RDX: variants seen among roughly 807,000 people sequenced by gnomAD.
RDX encodes radixin.
In RDX, 32 loss-of-function variants were observed where a neutral mutation model predicts 83.7. That is an observed-to-expected ratio of 0.38 (90% CI 0.29 to 0.51). The LOEUF is 0.51. Ranked by LOEUF, RDX falls within the 20% of genes least tolerant of loss-of-function variation. RDX has a pLI of 0.87. For missense variants in RDX, 600 were observed against 689.9 expected, an observed-to-expected ratio of 0.87 and a Z score of 1.46; for synonymous variants, 229 against 222.7, an observed-to-expected ratio of 1.03 and a Z score of -0.25.
At chr11:110,219,214 C>T (rs577721317) in intron 14 of RDX, among the ~76,000 whole-genome samples, 1 of 152,236 alleles carries the variant, frequency 6.6e-6, no homozygotes, top group Admixed American at 6.5e-5. Flanking sequence ...AAGTGTCTTC[C>T]AAGCTGAGTA....
At chr11:110,220,928 A>G (rs1864224506) in intron 14 of RDX, among the ~76,000 whole-genome samples, 1 of 151,166 alleles carries the variant, frequency 6.6e-6, no homozygotes, top group South Asian at 2.1e-4. Flanking sequence ...GAAATTTGGT[A>G]CAGGATCCCT....
chr11:110,273,421 G>A (rs185921676), intron 2 of RDX, among the ~76,000 whole-genome samples: 1 of 152,278 alleles, frequency 6.6e-6, no homozygotes, highest in African/African-American at 2.4e-5. Context: ...TGTTTTTAGA[G>A]ACAGGGTCTC....
chr11:110,203,344 G>A (rs1863482680), intron 14 of RDX, among the ~76,000 whole-genome samples: 1 of 150,790 alleles, frequency 6.6e-6, no homozygotes, highest in South Asian at 2.1e-4. Flanking sequence ...GAGAGTAAAA[G>A]GATGGTTACC....
intron 15 of RDX, among the ~76,000 whole-genome samples, chr11:110,198,261 G>A (rs181269374): frequency 2.0e-5 from 3 of 150,058 alleles, no homozygotes; most frequent in Admixed American, 1.3e-4. Context: ...ATTCACAAAT[G>A]GGATGAGTCA....
chr11:110,251,336 T>C (rs980562926), intron 9 of RDX, among the ~76,000 whole-genome samples: 1 of 152,216 alleles, frequency 6.6e-6, no homozygotes, highest in African/African-American at 2.4e-5. Context: ...TAAAAACATA[T>C]CCAACTTAGT....
At chr11:110,228,993 A>C (rs992173275), downstream of RDX, among the ~76,000 whole-genome samples, 4 of 151,960 alleles carry the variant, frequency 2.6e-5, no homozygotes, top group Non-Finnish European at 5.9e-5. Flanking sequence ...ATTAGTAAGA[A>C]GACTTGAAAA....
At chr11:110,183,152 G>A (rs555991588) in intron 15 of RDX, among the ~76,000 whole-genome samples, 65 of 152,302 alleles carry the variant, frequency 4.3e-4, no homozygotes, top group African/African-American at 1.4e-3. Context: ...AGCCACTGAT[G>A]AAGAAATATG....
At chr11:110,188,036 G>A (rs1358668995) in intron 15 of RDX, among the ~76,000 whole-genome samples, 1 of 152,218 alleles carries the variant, frequency 6.6e-6, no homozygotes, top group African/African-American at 2.4e-5. Flanking sequence ...GCTCATGCCT[G>A]TAATCCCAGA....
chr11:110,295,051 G>A (rs373534581), intron 1 of RDX, among the ~76,000 whole-genome samples: 2 of 152,114 alleles, frequency 1.3e-5, no homozygotes, highest in East Asian at 3.8e-4. Flanking sequence ...TACAGCATAC[G>A]ATTAACTTCA....
chr11:110,237,923 C>T (rs1458259334), intron 10 of RDX: 2 of 372,434 alleles, frequency 5.4e-6, no homozygotes, highest in Non-Finnish European at 1.0e-5. Context: ...AGGCGCTATA[C>T]CTCGTTTCCA....
In RDX at chr11:110,231,813, G is replaced by C; in HGVS notation, c.*56C>G. Reference sequence around the variant, plus strand: ...CATTCCATCATATCTGCAAAGGCCTGCTTTTCTCTGTTGGTGGTTCAGCTT... The same window carrying C: ...CATTCCATCATATCTGCAAAGGCCTCCTTTTCTCTGTTGGTGGTTCAGCTT... On this transcript the variant is annotated 3_prime_UTR_variant, in exon 14 of 14. Transcript: ENST00000645495. 1.3e-6 allele frequency: 2 copies of C among 1,598,456 alleles called. No individual in the cohort carries two copies. Among genetic ancestry groups the C allele is most frequent in the Non-Finnish European group, 1.7e-6 (2 of 1,169,958 alleles).
intron 14 of RDX, among the ~76,000 whole-genome samples, chr11:110,207,768 T>G (rs944270666): frequency 3.9e-5 from 6 of 152,020 alleles, no homozygotes; most frequent in African/African-American, 1.4e-4. Flanking sequence ...AACAGCAGAG[T>G]TGTATAGCTG....
chr11:110,233,404 G>T lies in RDX; in HGVS notation c.1420C>A (p.Pro474Thr). 6.2e-7 allele frequency: 1 copy of T among 1,614,116 alleles called. No individual in the cohort carries two copies. Among genetic ancestry groups the T allele is most frequent in the Non-Finnish European group, 8.5e-7 (1 of 1,180,016 alleles). ...GTTGGAGGAATGACTGGTGGTGGTG[G>T]AGGTGGAGGGGGGGCAGACATCACA... is the stretch of plus-strand genomic sequence containing the variant. ...KTVMSAPPPP[P>T]PPPVIPPTEN... is the part of the protein sequence containing the mutation. The change falls in exon 13 of 14, where the codon CCA becomes ACA. Residue 474 changes from proline (P) to threonine (T), a missense_variant. By Grantham distance (38) the Pro-to-Thr change is conservative. Transcript: ENST00000645495.
intron 14 of RDX, among the ~76,000 whole-genome samples, chr11:110,219,559 G>A (rs1265892319): frequency 2.6e-5 from 4 of 152,026 alleles, no homozygotes; most frequent in Non-Finnish European, 4.4e-5. Flanking sequence ...GGCTGTGGAG[G>A]ATGAGGTGGT....
At chr11:110,245,970 G>A (rs965380468) in intron 10 of RDX, among the ~76,000 whole-genome samples, 1 of 152,106 alleles carries the variant, frequency 6.6e-6, no homozygotes, top group Non-Finnish European at 1.5e-5. Context: ...TTTTGAGACA[G>A]GGTCTCACTC....
intron 1 of RDX, among the ~76,000 whole-genome samples, chr11:110,294,730 A>C (rs547413593): frequency 1.3e-5 from 2 of 152,232 alleles, no homozygotes; most frequent in East Asian, 1.9e-4. Flanking sequence ...CAAAAAAAAA[A>C]ACAAAAGGAC....
At chr11:110,201,252 T>C (rs1042172411) in intron 14 of RDX, among the ~76,000 whole-genome samples, 2 of 151,808 alleles carry the variant, frequency 1.3e-5, no homozygotes, top group African/African-American at 4.8e-5. Context: ...ACTAGTAATA[T>C]TATTCTCACT....
chr11:110,279,085 T>C (rs1860643010), intron 2 of RDX, among the ~76,000 whole-genome samples: 1 of 152,222 alleles, frequency 6.6e-6, no homozygotes, highest in South Asian at 2.1e-4. Flanking sequence ...CTTCCTGACC[T>C]CTCATTATTT....
intron 13 of RDX, among the ~76,000 whole-genome samples, chr11:110,232,853 A>T (rs1864693908): frequency 6.6e-6 from 1 of 152,176 alleles, no homozygotes; most frequent in Non-Finnish European, 1.5e-5. Context: ...GGCCTCAGGC[A>T]GTCCACCTGC....
Sources: gnomAD v4.1 joint callset for allele counts (sites outside exome capture counted in the v4.1 genomes callset) on GRCh38, gnomAD v4.1.1 for gene constraint, MANE v1.5 for transcripts, NCBI Gene and HGNC (gene_info 2026-07-23, HGNC 2026-07-21) for gene names.